CPNE4: variants seen among roughly 807,000 people sequenced by gnomAD.
CPNE4 encodes copine 4.
A neutral mutation model predicts 67.9 loss-of-function variants in CPNE4; 25 were observed. The ratio of observed to expected loss-of-function variants is 0.37; its 90% confidence interval spans 0.27 to 0.51. The LOEUF (loss-of-function observed/expected upper bound fraction) is 0.51, where lower values mean the gene tolerates loss of function less well. Among genes scored for constraint, CPNE4 ranks in the 20% least tolerant of loss-of-function variants. The pLI is 0.93. For synonymous variants in CPNE4, 242 were observed against 244.9 expected (o/e 0.99, Z 0.11); for missense variants, 464 against 690.8 (o/e 0.67, Z 3.68).
At chr3:131,962,156 C>T (rs746159143) in intron 1 of CPNE4, among the ~76,000 whole-genome samples, 7 of 149,222 alleles carry the variant, frequency 4.7e-5, no homozygotes, top group Non-Finnish European at 8.8e-5. Context: ...ATTTGCTCCT[C>T]GAGGCCCTGC....
chr3:131,642,464 C>T (rs1582943660), intron 7 of CPNE4, among the ~76,000 whole-genome samples: 1 of 152,120 alleles, frequency 6.6e-6, no homozygotes, highest in Non-Finnish European at 1.5e-5. Flanking sequence ...ACCTTGTCTT[C>T]CAGGTAAAAT....
chr3:131,924,177 C>T (rs2070827672), intron 1 of CPNE4, among the ~76,000 whole-genome samples: 1 of 152,218 alleles, frequency 6.6e-6, no homozygotes, highest in African/African-American at 2.4e-5. Flanking sequence ...ACGATAGCCA[C>T]ATGACATATC....
intron 1 of CPNE4, among the ~76,000 whole-genome samples, chr3:131,968,629 G>T (rs190827844): frequency 4.6e-5 from 7 of 152,340 alleles, no homozygotes; most frequent in Non-Finnish European, 1.0e-4. Flanking sequence ...GGTCATTAGA[G>T]CAATGCAAAT....
At chr3:131,879,209 A>C (rs1489573000) in intron 2 of CPNE4, among the ~76,000 whole-genome samples, 1 of 152,208 alleles carries the variant, frequency 6.6e-6, no homozygotes, top group Non-Finnish European at 1.5e-5. Flanking sequence ...AGATTGTCTA[A>C]GAGACAAAAC....
At chr3:132,028,083 C>T (rs2074154214) in intron 1 of CPNE4, among the ~76,000 whole-genome samples, 1 of 152,146 alleles carries the variant, frequency 6.6e-6, no homozygotes, top group Non-Finnish European at 1.5e-5. Context: ...TTACTACATA[C>T]AGGGCATGGT....
At chr3:131,709,878 T>A (rs2081516548) in intron 3 of CPNE4, among the ~76,000 whole-genome samples, 1 of 152,226 alleles carries the variant, frequency 6.6e-6, no homozygotes, top group Admixed American at 6.5e-5. Flanking sequence ...CACTTTTACA[T>A]TTTCTTCTGA....
intron 7 of CPNE4, among the ~76,000 whole-genome samples, chr3:131,604,811 CCTGA>C (rs1378436298): frequency 1.3e-5 from 2 of 151,930 alleles, no homozygotes; most frequent in African/African-American, 2.4e-5. Context: ...TCTAGAGAAT[CCTGA>C]CTAATACAGG....
intron 7 of CPNE4, among the ~76,000 whole-genome samples, chr3:131,611,950 CT>C (rs1222587863): frequency 6.6e-6 from 1 of 152,114 alleles, no homozygotes; most frequent in African/African-American, 2.4e-5. Context: ...CAAGTATGGA[CT>C]GTTTTGCAAA....
intron 2 of CPNE4, among the ~76,000 whole-genome samples, chr3:131,866,027 A>G (rs2086935032): frequency 6.6e-6 from 1 of 152,200 alleles, no homozygotes; most frequent in Admixed American, 6.5e-5. Context: ...AAGGTGCATG[A>G]CTTTGGGTAA....
intron 5 of CPNE4, among the ~76,000 whole-genome samples, chr3:131,690,925 C>T (rs371276601): frequency 2.6e-5 from 4 of 151,988 alleles, no homozygotes; most frequent in East Asian, 1.9e-4. Context: ...AAAGACGACC[C>T]GCAAGTGGTC....
chr3:131,963,947 G>A (rs1186851902), intron 1 of CPNE4, among the ~76,000 whole-genome samples: 1 of 152,134 alleles, frequency 6.6e-6, no homozygotes, highest in African/African-American at 2.4e-5. Flanking sequence ...CTCCTAGCAG[G>A]GGTTGACAGG....
chr3:131,956,609 T>C (rs1336171701), intron 1 of CPNE4, among the ~76,000 whole-genome samples: 1 of 151,002 alleles, frequency 6.6e-6, no homozygotes, highest in African/African-American at 2.4e-5. Context: ...GAATTAAAGT[T>C]CAATACAGCA....
intron 7 of CPNE4, among the ~76,000 whole-genome samples, chr3:131,592,194 T>G (rs1036934379): frequency 2.0e-5 from 3 of 152,206 alleles, no homozygotes; most frequent in African/African-American, 7.2e-5. Flanking sequence ...TTAAAAAGTA[T>G]ATAGTGCGTA....
intron 1 of CPNE4, among the ~76,000 whole-genome samples, chr3:131,942,421 CGTGTGTGTGTGT>C (rs745460930): frequency 1.5e-3 from 137 of 89,696 alleles, no homozygotes; most frequent in African/African-American, 5.7e-3. Flanking sequence ...CTAGCTTCCT[CGTGTGTGTGTGT>C]GTGTGTGTGT....
At chr3:131,905,470 A>G (rs752630888) in intron 1 of CPNE4, 26 bp from the exon 2 acceptor site, 1 of 1,591,086 alleles carries the variant, frequency 6.3e-7, no homozygotes, top group South Asian at 1.1e-5. Flanking sequence ...AAAAGAATAA[A>G]AAAGAAGTGC....
intron 3 of CPNE4, among the ~76,000 whole-genome samples, chr3:131,717,477 C>G (rs895895525): frequency 2.6e-5 from 4 of 152,198 alleles, no homozygotes; most frequent in African/African-American, 9.7e-5. Context: ...ATTGTCTATT[C>G]TATATTCATG....
chr3:131,981,033 T>G (rs1048013274), intron 1 of CPNE4, among the ~76,000 whole-genome samples: 4 of 152,094 alleles, frequency 2.6e-5, no homozygotes, highest in Non-Finnish European at 5.9e-5. Context: ...CACAGAGTTT[T>G]GTGATGTGAA....
chr3:131,788,333 GA>G (rs1222229252), intron 2 of CPNE4, among the ~76,000 whole-genome samples: 1 of 151,726 alleles, frequency 6.6e-6, no homozygotes, highest in Non-Finnish European at 1.5e-5. Flanking sequence ...TACCCGAATG[GA>G]AAAAAATGGC....
intron 7 of CPNE4, among the ~76,000 whole-genome samples, chr3:131,668,596 G>A (rs1374404796): frequency 2.6e-5 from 4 of 152,150 alleles, no homozygotes; most frequent in Admixed American, 2.6e-4. Flanking sequence ...ATTACTGCTT[G>A]ATGGTTGTGT....
Sources: allele counts gnomAD v4.1 joint callset (sites outside exome capture counted in the v4.1 genomes callset), GRCh38; gene constraint gnomAD v4.1.1; transcripts MANE v1.5; gene names NCBI Gene and HGNC (gene_info 2026-07-23, HGNC 2026-07-21).